The following SAMMSON variants were observed in gnomAD, a reference collection of about 807,000 sequenced individuals.
The protein encoded by SAMMSON is long intergenic non-protein coding RNA 1212.
intron 6 of SAMMSON, among the ~76,000 whole-genome samples, chr3:70,257,950 A>G (rs1342634516): frequency 1.3e-5 from 2 of 152,230 alleles, no homozygotes; most frequent in African/African-American, 2.4e-5. Context: ...ATAAGACTCA[A>G]TGAAGAGTTC....
intron 7 of SAMMSON, among the ~76,000 whole-genome samples, chr3:70,340,233 G>C (rs1037149630): frequency 7.0e-6 from 1 of 143,502 alleles, no homozygotes; most frequent in African/African-American, 2.6e-5. Context: ...CACACACTGA[G>C]GCCTGTCGTG....
chr3:70,007,936 GT>G (rs2066935491), intron 1 of SAMMSON, among the ~76,000 whole-genome samples: 1 of 152,082 alleles, frequency 6.6e-6, no homozygotes, highest in East Asian at 1.9e-4. Flanking sequence ...TTGTCAGGTT[GT>G]CAAAGATCAG....
At chr3:70,270,875 G>A (rs1469121360) in intron 6 of SAMMSON, among the ~76,000 whole-genome samples, 1 of 151,994 alleles carries the variant, frequency 6.6e-6, no homozygotes, top group East Asian at 1.9e-4. Context: ...CACACACCAG[G>A]GCTTATCAGG....
At chr3:70,311,244 C>A (rs941619664) in intron 7 of SAMMSON, among the ~76,000 whole-genome samples, 1 of 152,062 alleles carries the variant, frequency 6.6e-6, no homozygotes, top group Non-Finnish European at 1.5e-5. Flanking sequence ...CAAATGTTAC[C>A]TTTTTGACAT....
At chr3:70,204,181 TATA>T (rs1482526635) in intron 4 of SAMMSON, among the ~76,000 whole-genome samples, 3 of 152,188 alleles carry the variant, frequency 2.0e-5, no homozygotes, top group African/African-American at 7.2e-5. Flanking sequence ...TGCACTCATT[TATA>T]CATTTGAAAA....
chr3:70,056,603 C>A (rs776317379), intron 3 of SAMMSON, among the ~76,000 whole-genome samples: 19 of 151,838 alleles, frequency 1.3e-4, no homozygotes, highest in Non-Finnish European at 5.9e-5. Flanking sequence ...CTTGGAAATA[C>A]ACTATCGAGG....
chr3:70,180,222 A>G (rs1701041859), intron 4 of SAMMSON, among the ~76,000 whole-genome samples: 1 of 152,128 alleles, frequency 6.6e-6, no homozygotes, highest in South Asian at 2.1e-4. Context: ...TTCTTCATAG[A>G]TAAAATGAGT....
intron 4 of SAMMSON, among the ~76,000 whole-genome samples, chr3:70,171,612 CT>C (rs949204530): frequency 1.2e-4 from 12 of 102,172 alleles, no homozygotes; most frequent in Middle Eastern, 4.7e-3. Flanking sequence ...AAGGCACAGT[CT>C]TTGGGGGGGG....
At chr3:70,210,630 G>GA (rs926517467) in intron 4 of SAMMSON, among the ~76,000 whole-genome samples, 1 of 152,058 alleles carries the variant, frequency 6.6e-6, no homozygotes, top group African/African-American at 2.4e-5. Context: ...CTTCTGTAGA[G>GA]AAAATTATTT....
intron 3 of SAMMSON, among the ~76,000 whole-genome samples, chr3:70,037,782 A>G (rs1404491369): frequency 6.6e-6 from 1 of 152,172 alleles, no homozygotes; most frequent in African/African-American, 2.4e-5. Flanking sequence ...TTGCTTCTCC[A>G]TGTAATGCTT....
chr3:70,234,929 G>A (rs1053843529), intron 4 of SAMMSON, among the ~76,000 whole-genome samples: 2 of 152,172 alleles, frequency 1.3e-5, no homozygotes, highest in East Asian at 1.9e-4. Context: ...GAAACCTCAC[G>A]GTTTCCTGAT....
chr3:70,423,889 T>C (rs187765720), intron 2 of SAMMSON, among the ~76,000 whole-genome samples: 2 of 152,314 alleles, frequency 1.3e-5, no homozygotes, highest in African/African-American at 4.8e-5. Flanking sequence ...ACTAGGTATC[T>C]TCAGTGGAGT....
chr3:70,431,548 CAGTAG>C (rs1198352808), intron 2 of SAMMSON, among the ~76,000 whole-genome samples: 1 of 152,024 alleles, frequency 6.6e-6, no homozygotes, highest in East Asian at 1.9e-4. Flanking sequence ...CCTCATTGTA[CAGTAG>C]AGTACATTTG....
At chr3:70,350,130 T>C (rs1022003386) in intron 7 of SAMMSON, among the ~76,000 whole-genome samples, 1 of 152,186 alleles carries the variant, frequency 6.6e-6, no homozygotes, top group Non-Finnish European at 1.5e-5. Context: ...AACAAAATTA[T>C]CTATTTTAAG....
chr3:70,193,395 G>T (rs1196115379), intron 4 of SAMMSON, among the ~76,000 whole-genome samples: 1 of 152,168 alleles, frequency 6.6e-6, no homozygotes, highest in Non-Finnish European at 1.5e-5. Context: ...CTGGGCTCAT[G>T]CCATCCTTTC....
intron 2 of SAMMSON, among the ~76,000 whole-genome samples, chr3:70,422,448 A>G (rs1701321043): frequency 6.6e-6 from 1 of 152,068 alleles, no homozygotes; most frequent in East Asian, 1.9e-4. Flanking sequence ...AAAATCTTTC[A>G]GATAATGAAA....
chr3:70,136,840 A>AATTTT (rs142206646), intron 4 of SAMMSON, among the ~76,000 whole-genome samples: 6 of 152,088 alleles, frequency 3.9e-5, no homozygotes, highest in Admixed American at 2.0e-4. Flanking sequence ...ATGTCATTGA[A>AATTTT]GTTTTGATCT....
At chr3:70,286,018 C>T (rs965339465) in intron 6 of SAMMSON, among the ~76,000 whole-genome samples, 1 of 151,894 alleles carries the variant, frequency 6.6e-6, no homozygotes, top group Non-Finnish European at 1.5e-5. Context: ...TGCCTGTTCA[C>T]TCTGATGGTA....
At chr3:70,012,913 G>T (rs931277607) in intron 2 of SAMMSON, among the ~76,000 whole-genome samples, 8 of 152,036 alleles carry the variant, frequency 5.3e-5, no homozygotes, top group African/African-American at 9.7e-5. Flanking sequence ...AGGAAGCACC[G>T]TTCTTCCTTT....
Sources: gnomAD v4.1 joint callset for allele counts (sites outside exome capture counted in the v4.1 genomes callset) on GRCh38, gnomAD v4.1.1 for gene constraint, MANE v1.5 for transcripts, NCBI Gene and HGNC (gene_info 2026-07-23, HGNC 2026-07-21) for gene names.